Variants in SLC41A3 observed in about 807,000 individuals in gnomAD.
The protein encoded by SLC41A3 is SLC41A1-like 2.
SLC41A3 carries 44 observed loss-of-function variants against 45.4 expected under a neutral mutation model. The ratio of observed to expected loss-of-function variants is 0.97; its 90% confidence interval spans 0.76 to 1.25. The LOEUF is 1.25. Among genes scored for constraint, SLC41A3 ranks in the 50% most tolerant of loss-of-function variants. The pLI, the probability that SLC41A3 is intolerant of heterozygous loss-of-function variation, is 0.00. For missense variants in SLC41A3, 550 were observed against 600.6 expected (o/e 0.92, Z 0.88); for synonymous variants, 256 against 252.4 (o/e 1.01, Z -0.13).
chr3:126,074,986 A>AT, intron 1 of SLC41A3, among the ~76,000 whole-genome samples: 1 of 132,856 alleles, frequency 7.5e-6, no homozygotes, highest in Non-Finnish European at 1.6e-5. Flanking sequence ...CTAGTATTTT[A>AT]TTTTTTGTAG....
chr3:126,095,409 C>A (rs188964166), intron 1 of SLC41A3: 273 of 492,958 alleles, frequency 5.5e-4, no homozygotes, highest in African/African-American at 5.1e-3. Context: ...CAGAAGAAAA[C>A]CTAAGGAAAG....
At chr3:126,064,728 T>C (rs1200870036) in intron 2 of SLC41A3, among the ~76,000 whole-genome samples, 1 of 152,170 alleles carries the variant, frequency 6.6e-6, no homozygotes, top group Admixed American at 6.5e-5. Flanking sequence ...TGTAAGGCCA[T>C]AGCTTGCCTG....
chr3:126,063,949 A>ACCCCCCCCCCCCC (rs56806357), intron 2 of SLC41A3, among the ~76,000 whole-genome samples: 29 of 102,004 alleles, frequency 2.8e-4, no homozygotes, highest in South Asian at 1.1e-3. Flanking sequence ...GCCAGATCCA[A>ACCCCCCCCCCCCC]CCCCCCCCCG....
chr3:126,065,973 G>T (rs1944327835), intron 2 of SLC41A3, among the ~76,000 whole-genome samples: 2 of 152,300 alleles, frequency 1.3e-5, no homozygotes, highest in South Asian at 2.1e-4. Flanking sequence ...GCAGGCAGCA[G>T]CCCTGGAGGA....
At chr3:126,063,565 C>T (rs914223824) in intron 2 of SLC41A3, among the ~76,000 whole-genome samples, 2 of 152,334 alleles carry the variant, frequency 1.3e-5, no homozygotes, top group South Asian at 4.1e-4. Context: ...AGGCTCTTGG[C>T]CCAGAGCCTC....
intron 1 of SLC41A3, chr3:126,092,576 TAG>T (rs1945510145): frequency 1.3e-5 from 2 of 152,874 alleles, no homozygotes; most frequent in Admixed American, 1.3e-4. Context: ...GCCGCTGGGT[TAG>T]AGTCTCCCCG....
Position 126,101,082 on chromosome 3 carries a change from G to A in SLC41A3, c.-79+347C>T, listed in dbSNP as rs114134276. Among the ~76,000 whole-genome samples, 900 of 152,328 alleles carry A rather than the reference G, an allele frequency of 5.9e-3. 10 individuals are homozygous for A. Among genetic ancestry groups the A allele is most frequent in the African/African-American group, 0.02 (821 of 41,578 alleles). ...TCGGCTTCCTCCATCGCGGGCAGCCGCACACCCCTCCTTCCCCCGGGTCCA... is the reference window on the plus strand; with the variant it reads ...TCGGCTTCCTCCATCGCGGGCAGCCACACACCCCTCCTTCCCCCGGGTCCA... On this transcript the variant is annotated intron_variant, in intron 1 of 9. Coordinates refer to the SLC41A3 transcript ENST00000508835.
chr3:126,036,073 T>C (rs2107787536), intron 3 of SLC41A3, among the ~76,000 whole-genome samples: 1 of 152,378 alleles, frequency 6.6e-6, no homozygotes, highest in South Asian at 2.1e-4. Context: ...AAGATTTCAT[T>C]GAATTTTTTA....
intron 2 of SLC41A3, chr3:126,056,551 A>G: frequency 6.2e-7 from 1 of 1,613,292 alleles, no homozygotes; most frequent in Non-Finnish European, 8.5e-7. Context: ...GGTGACCACC[A>G]TGGCCAGGCA....
At chr3:126,061,191 G>A (rs114591002) in intron 2 of SLC41A3, among the ~76,000 whole-genome samples, 2,114 of 152,300 alleles carry the variant, frequency 0.014, 46 homozygotes, top group African/African-American at 0.047. Context: ...CATTCTTACA[G>A]GCATGAATTC....
In SLC41A3 at chr3:126,007,123, C is replaced by T; in HGVS notation, c.1357G>A (p.Asp453Asn). The change falls in exon 11 of 11, where the codon GAC (aspartate) becomes AAC (asparagine). Residue 453 changes from aspartate to asparagine, a missense_variant. By Grantham distance (23) the Asp-to-Asn change is conservative (BLOSUM62 1). Coordinates refer to ENST00000360370, the MANE Select transcript of SLC41A3 (RefSeq NM_017836.4). ...HCIPYLTGLG[D>N]LLGTGLLALC... ...GCCAGGAGGCCAGTACCGAGCAGGT[C>T]CCCCAGCCCTGTAAGGTAGGGGATG... 1 of 1,614,208 alleles carries T rather than the reference C, an allele frequency of 6.2e-7. No homozygotes were observed. The highest frequency in any genetic ancestry group is 8.5e-7 in the Non-Finnish European group (1 of 1,180,028).
intron 4 of SLC41A3, among the ~76,000 whole-genome samples, chr3:126,031,425 C>T (rs930377271): frequency 5.3e-5 from 8 of 152,118 alleles, no homozygotes; most frequent in East Asian, 1.9e-4. Flanking sequence ...CTCAAGGCCC[C>T]GCTCAGTGGC....
chr3:126,099,902 C>T (rs77192967), intron 1 of SLC41A3, among the ~76,000 whole-genome samples: 2,762 of 152,270 alleles, frequency 0.018, 85 homozygotes, highest in African/African-American at 0.06. Context: ...CTTGGTCCTA[C>T]TCATGTCCAC....
intron 1 of SLC41A3, among the ~76,000 whole-genome samples, chr3:126,081,669 A>C (rs1945160233): frequency 6.6e-6 from 1 of 152,200 alleles, no homozygotes; most frequent in Non-Finnish European, 1.5e-5. Flanking sequence ...ACCTGGTGTG[A>C]TGCACCTCAC....
Position 126,092,276 on chromosome 3 carries a change from G to C in SLC41A3, c.-79+9153C>G, listed in dbSNP as rs575292672. On this transcript the variant is annotated intron_variant, in intron 1 of 9. Transcript: ENST00000508835. ...ACCCAGGGTGGAAAACCATTTAAAG[G>C]CCTTCTTAAACCACAAACAATAGCA... 1.8e-3 allele frequency among the ~76,000 whole-genome samples: 268 copies of C among 152,322 alleles called. 1 individual carries two copies. The highest frequency in any genetic ancestry group is 6.3e-3 in the African/African-American group (261 of 41,576).
In SLC41A3 at chr3:126,026,925, C is replaced by T. The variant is rs567691045; in HGVS notation, c.454-446G>A. 6.6e-5 allele frequency among the ~76,000 whole-genome samples: 10 copies of T among 152,282 alleles called. No homozygotes were observed. Among genetic ancestry groups the T allele is most frequent in the Non-Finnish European group, 8.8e-5 (6 of 68,022 alleles). ...AGGACTTCACACACTTTTGGTCTCT[C>T]CTTTGGCACCCTGCTCACACCCTCC... is the stretch of plus-strand genomic sequence containing the variant. On this transcript the variant is annotated intron_variant, in intron 4 of 10. Coordinates refer to ENST00000360370, the MANE Select transcript of SLC41A3 (RefSeq NM_017836.4). The surrounding 1 kb of genome is among the most constrained non-coding windows in gnomAD (Gnocchi z 4.2).
intron 3 of SLC41A3, among the ~76,000 whole-genome samples, chr3:126,039,205 AAC>A (rs1487708564): frequency 6.6e-6 from 1 of 152,228 alleles, no homozygotes; most frequent in Non-Finnish European, 1.5e-5. Flanking sequence ...CAAATGGGCT[AAC>A]ACAGTCACCA....
At chr3:126,032,174 G>A (rs374364493) in intron 4 of SLC41A3, among the ~76,000 whole-genome samples, 10 of 152,190 alleles carry the variant, frequency 6.6e-5, no homozygotes, top group South Asian at 2.1e-4. Context: ...AAGACAGCGC[G>A]GCCAGGCCCA....
At position 126,013,744 on chromosome 3, in the gene SLC41A3, CCT is replaced by C. The variant is rs1939967393; in HGVS notation, c.971-997_971-996del. Among the ~76,000 whole-genome samples, 4 of 152,178 alleles carry C rather than the reference CCT, an allele frequency of 2.6e-5. No homozygotes were observed. In the South Asian group the frequency reaches 8.3e-4, roughly 32 times the overall value. On this transcript the variant is annotated intron_variant, in intron 8 of 10. Coordinates refer to ENST00000360370, the MANE Select transcript of SLC41A3 (RefSeq NM_017836.4). ...TTCAATTTGTGGTGCTAGGTGAGCC[CCT>C]CTCTCGGAGCTCAGTTGTCAGTGCA... is the stretch of plus-strand genomic sequence containing the variant.
Sources: allele counts gnomAD v4.1 joint callset (sites outside exome capture counted in the v4.1 genomes callset), GRCh38; gene constraint gnomAD v4.1.1; non-coding constraint Gnocchi (gnomAD v3.1); transcripts MANE v1.5; gene names NCBI Gene and HGNC (gene_info 2026-07-23, HGNC 2026-07-21).